Variants in CAPN8 observed in about 807,000 individuals in gnomAD.
CAPN8 encodes the protein calpain 8.
CAPN8 carries 87 observed loss-of-function variants against 80.9 expected under a neutral mutation model. The observed-to-expected ratio is 1.07, with a 90% CI of 0.90 to 1.28. CAPN8 has a LOEUF of 1.28. Ranked by LOEUF, CAPN8 falls within the 50% of genes most tolerant of loss-of-function variation. The probability of loss-of-function intolerance (pLI) is 0.00; values close to 1 mark genes in which losing one functional copy is unlikely to be tolerated. For missense variants in CAPN8, 757 were observed against 702.0 expected, an observed-to-expected ratio of 1.08 and a Z score of -0.89; for synonymous variants, 299 against 273.8, an observed-to-expected ratio of 1.09 and a Z score of -0.91.
rs1374859446 is a variant in CAPN8 at position 223,544,765 on chromosome 1, TC to T, written c.1912+6del. 3.9e-6 allele frequency: 6 copies of T among 1,551,642 alleles called. No individual in the cohort carries two copies. The East Asian group carries it at 1.5e-4, about 38-fold the overall frequency. On this transcript the variant is annotated splice_donor_region_variant and intron_variant, in intron 18 of 20. Transcript: ENST00000366872. ...CCCAAGACCCTGTCTACAGGATGTGTCCTCACCTGCCTTCCTGAGGGCTGTC... is the reference window on the plus strand; with the variant it reads ...CCCAAGACCCTGTCTACAGGATGTGTCTCACCTGCCTTCCTGAGGGCTGTC...
rs543306972 is a variant in CAPN8 at position 223,620,051 on chromosome 1, A to C, written c.974+141T>G. 5.5e-6 allele frequency: 4 copies of C among 729,856 alleles called. No individual in the cohort carries two copies. The African/African-American group carries it at 7.0e-5, about 13-fold the overall frequency. The allele number at this position is 729,856 out of a possible 1,614,324, so 45.2% of individuals were successfully genotyped here. A position where few individuals can be genotyped will look rare whatever the true frequency, so the allele number is the denominator to read the frequency against. On this transcript the variant is annotated intron_variant, in intron 8 of 20. Transcript: ENST00000366872. ...GCTGGTATAGAGGTGGAATTATACCAGGACAAAAGGAGAAGAATGAATTCA... is the reference window on the plus strand; with the variant it reads ...GCTGGTATAGAGGTGGAATTATACCCGGACAAAAGGAGAAGAATGAATTCA...
chr1:223,611,974 A>G (rs1657040878), intron 11 of CAPN8, among the ~76,000 whole-genome samples: 1 of 152,226 alleles, frequency 6.6e-6, no homozygotes, highest in African/African-American at 2.4e-5. Context: ...TTGGCTGCCC[A>G]TTGGAATCAC....
At chr1:223,542,201 A>G (rs1656485759) in intron 20 of CAPN8, among the ~76,000 whole-genome samples, 1 of 152,076 alleles carries the variant, frequency 6.6e-6, no homozygotes, top group Admixed American at 6.6e-5. Flanking sequence ...GTGTGTATAT[A>G]TATATCCCTA....
At chr1:223,650,179 G>C (rs1658308384) in intron 2 of CAPN8, among the ~76,000 whole-genome samples, 1 of 152,178 alleles carries the variant, frequency 6.6e-6, no homozygotes, top group Non-Finnish European at 1.5e-5. Context: ...AAGATGCCAG[G>C]GTCATGGGGC....
chr1:223,550,939 A>G, intron 15 of CAPN8, 21 bp downstream of exon 15: 1 of 717,500 alleles, frequency 1.4e-6, no homozygotes, highest in Non-Finnish European at 2.6e-6. Flanking sequence ...ACTTTCTGAA[A>G]GACCCCAAGA....
intron 2 of CAPN8, among the ~76,000 whole-genome samples, chr1:223,634,050 G>C (rs1657848006): frequency 1.3e-5 from 2 of 152,198 alleles, no homozygotes; most frequent in African/African-American, 4.8e-5. Context: ...ATGCCCTGCT[G>C]CCCATTCAGG....
intron 13 of CAPN8, among the ~76,000 whole-genome samples, chr1:223,554,242 A>C (rs1008740921): frequency 5.9e-5 from 9 of 152,336 alleles, no homozygotes; most frequent in African/African-American, 2.2e-4. Flanking sequence ...CTTGGTGTGA[A>C]TCTGTGGACT....
At chr1:223,553,802 C>T in intron 14 of CAPN8, 30 bp downstream of exon 14, 2 of 398,696 alleles carry the variant, frequency 5.0e-6, no homozygotes, top group South Asian at 1.3e-4. Context: ...CTCCTGCCCA[C>T]CTGGGAAGCC....
chr1:223,650,827 C>T (rs141466551), intron 2 of CAPN8, among the ~76,000 whole-genome samples: 58 of 152,214 alleles, frequency 3.8e-4, no homozygotes, highest in African/African-American at 1.4e-3. Flanking sequence ...AGGGGGTGCA[C>T]AAAGCCAGAA....
At chr1:223,630,584 T>A (rs1237303962) in intron 2 of CAPN8, among the ~76,000 whole-genome samples, 1 of 151,934 alleles carries the variant, frequency 6.6e-6, no homozygotes. Flanking sequence ...GATCCTCCCA[T>A]CTTAGCCTCC....
chr1:223,555,139 G>A (rs1656875588), intron 13 of CAPN8, among the ~76,000 whole-genome samples: 1 of 152,208 alleles, frequency 6.6e-6, no homozygotes, highest in South Asian at 2.1e-4. Context: ...CAGGTACTTT[G>A]CGTGGATTAT....
At chr1:223,633,794 T>C (rs1278359389) in intron 2 of CAPN8, among the ~76,000 whole-genome samples, 5 of 152,358 alleles carry the variant, frequency 3.3e-5, no homozygotes, top group East Asian at 1.9e-4. Flanking sequence ...GGATGTCTAA[T>C]GTTATTATAA....
chr1:223,546,681 G>A (rs1277513446), intron 16 of CAPN8, among the ~76,000 whole-genome samples: 1 of 152,146 alleles, frequency 6.6e-6, no homozygotes, highest in Non-Finnish European at 1.5e-5. Context: ...CCATTTTCCA[G>A]GAGAAACTGA....
intron 2 of CAPN8, among the ~76,000 whole-genome samples, chr1:223,630,745 G>A (rs1391396473): frequency 6.6e-6 from 1 of 152,158 alleles, no homozygotes; most frequent in Non-Finnish European, 1.5e-5. Flanking sequence ...ATGGCAACAG[G>A]GCTCCTAGGT....
intron 2 of CAPN8, among the ~76,000 whole-genome samples, chr1:223,646,785 T>C (rs1658206117): frequency 6.6e-6 from 1 of 152,192 alleles, no homozygotes; most frequent in Non-Finnish European, 1.5e-5. Context: ...TCTGCAAAAC[T>C]GAAGCCACAG....
chr1:223,662,805 C>T (rs1658682539), intron 1 of CAPN8, among the ~76,000 whole-genome samples: 1 of 152,156 alleles, frequency 6.6e-6, no homozygotes, highest in Admixed American at 6.5e-5. Flanking sequence ...AATAATGAAG[C>T]ATTTAGGATC....
chr1:223,615,886 A>G, intron 10 of CAPN8, 84 bp downstream of exon 10: 1 of 1,487,742 alleles, frequency 6.7e-7, no homozygotes, highest in Non-Finnish European at 9.1e-7. Context: ...CAGCAATAGG[A>G]AAGATGTGCT....
chr1:223,628,824 G>C, intron 2 of CAPN8, 44 bp from the exon 3 acceptor site: 1 of 1,465,938 alleles, frequency 6.8e-7, no homozygotes, highest in Non-Finnish European at 9.3e-7. Flanking sequence ...GGCCCAGCCT[G>C]CAGGGGCCCT....
chr1:223,627,244 C>T, intron 4 of CAPN8, 87 bp from the exon 5 acceptor site: 1 of 1,397,836 alleles, frequency 7.2e-7, no homozygotes. Flanking sequence ...CTAGGACATA[C>T]TGTGGCCTGG....
Sources: allele counts gnomAD v4.1 joint callset (sites outside exome capture counted in the v4.1 genomes callset), GRCh38; gene constraint gnomAD v4.1.1; transcripts MANE v1.5; gene names NCBI Gene and HGNC (gene_info 2026-07-23, HGNC 2026-07-21).